NDUFS1: variants seen among roughly 807,000 people sequenced by gnomAD.
NDUFS1 encodes the protein NADH-ubiquinone oxidoreductase 75 kDa subunit, mitochondrial.
Under a neutral mutation model 84.4 loss-of-function variants are expected in NDUFS1, and 61 were observed. That is an observed-to-expected ratio of 0.72 (90% CI 0.59 to 0.89). The LOEUF is 0.89. NDUFS1 is among the 40% of genes least tolerant of loss of function. NDUFS1 has a pLI of 0.00. For synonymous variants in NDUFS1, 275 were observed against 290.0 expected (o/e 0.95, Z 0.53); for missense variants, 891 against 890.0 (o/e 1.00, Z -0.01).
chr2:206,156,224 C>G (rs1215040225), intron 1 of NDUFS1, among the ~76,000 whole-genome samples: 2 of 147,058 alleles, frequency 1.4e-5, no homozygotes, highest in Non-Finnish European at 3.0e-5. Flanking sequence ...GATCACGCCA[C>G]TGCACTCCAG....
chr2:206,119,022 A>T lies in NDUFS1; in HGVS notation c.*5163T>A, dbSNP rs142826710. 2,216 of 152,518 alleles carry T rather than the reference A, an allele frequency of 0.015. 33 individuals carry two copies. The highest frequency in any genetic ancestry group is 0.022 in the Non-Finnish European group (1,513 of 68,198). 9.4% of individuals were successfully genotyped at this position (152,518 alleles called of 1,614,324 possible). On this transcript the variant is annotated 3_prime_UTR_variant, in exon 19 of 19. Coordinates refer to ENST00000233190, the MANE Select transcript of NDUFS1 (RefSeq NM_005006.7). ...AGGATCGCTTGAACCCAGGAGGTGG[A>T]GGTTGCAGTGAGCTGAGATTGCGCC...
chr2:206,156,190 G>A (rs1322717626), intron 1 of NDUFS1, among the ~76,000 whole-genome samples: 2 of 150,696 alleles, frequency 1.3e-5, no homozygotes, highest in African/African-American at 2.4e-5. Context: ...GTGAACCCGG[G>A]AGGCGGAGCT....
At chr2:206,142,572 A>G in intron 11 of NDUFS1, 114 bp downstream of exon 11, 1 of 1,302,074 alleles carries the variant, frequency 7.7e-7, no homozygotes, top group Non-Finnish European at 1.1e-6. Flanking sequence ...ATCTTGGTCT[A>G]TATATGAAAA....
intron 18 of NDUFS1, among the ~76,000 whole-genome samples, chr2:206,125,755 G>A (rs1410320750): frequency 2.0e-5 from 3 of 151,334 alleles, no homozygotes; most frequent in African/African-American, 7.3e-5. Flanking sequence ...CTTCATCACC[G>A]AGGAATTAAG....
In NDUFS1 at chr2:206,129,419, C is replaced by A. The variant is rs147984637; in HGVS notation, c.1708+669G>T. 3.8e-3 allele frequency among the ~76,000 whole-genome samples: 574 copies of A among 152,092 alleles called. 9 individuals are homozygous for A. Among genetic ancestry groups the A allele is most frequent in the African/African-American group, 0.013 (551 of 41,486 alleles). The stretch of plus-strand genomic sequence containing the variant: ...CTGGGATCACAGACATGCAGCAACA[C>A]GCCTAGCTAATTTTTAAATTTTTTG... On this transcript the variant is annotated intron_variant, in intron 15 of 18. Coordinates refer to ENST00000233190, the MANE Select transcript of NDUFS1 (RefSeq NM_005006.7).
intron 5 of NDUFS1, among the ~76,000 whole-genome samples, chr2:206,148,519 T>C (rs184864373): frequency 1.4e-4 from 22 of 152,192 alleles, no homozygotes; most frequent in African/African-American, 5.1e-4. Context: ...GTTTGGTGGC[T>C]CACGTCTGTA....
rs73067815 is a variant in NDUFS1, at chr2:206,135,385, C to T, written c.1393-2280G>A. ...TATTTAAATCTATTATAGAACAAAA[C>T]GTTCTCAGGCCAGGCACAGTGGCTC... On this transcript the variant is annotated intron_variant, in intron 13 of 18. Coordinates refer to ENST00000233190, the MANE Select transcript of NDUFS1 (RefSeq NM_005006.7). Among the ~76,000 whole-genome samples the T allele has an allele frequency of 8.5e-3, 1,299 of 152,008 alleles. 12 individuals are homozygous for T. Among genetic ancestry groups the T allele is most frequent in the African/African-American group, 0.03 (1,231 of 41,472 alleles).
At chr2:206,139,452 G>A (rs1023621997) in intron 12 of NDUFS1, among the ~76,000 whole-genome samples, 8 of 152,096 alleles carry the variant, frequency 5.3e-5, no homozygotes, top group African/African-American at 1.9e-4. Flanking sequence ...CTCCCAGAGT[G>A]CTGGGATTAT....
Position 206,116,219 on chromosome 2 carries a change from C to G in NDUFS1, c.*7966G>C. On this transcript the variant is annotated 3_prime_UTR_variant, in exon 19 of 19. Transcript: ENST00000233190. The stretch of plus-strand genomic sequence containing the variant: ...CTTGATCAGCCAACCATCTTCATAA[C>G]GAGATTTGTTTACAAGTCCTGGATT... 1.5e-6 allele frequency: 2 copies of G among 1,360,894 alleles called. No individual in the cohort carries two copies. Among genetic ancestry groups the G allele is most frequent in the Non-Finnish European group, 2.1e-6 (2 of 949,110 alleles). 84.3% of individuals were successfully genotyped at this position (1,360,894 alleles called of 1,614,324 possible). A position where few individuals can be genotyped will look rare whatever the true frequency, so the allele number is the denominator to read the frequency against.
intron 1 of NDUFS1, among the ~76,000 whole-genome samples, chr2:206,158,826 T>C (rs1243357797): frequency 6.6e-6 from 1 of 152,076 alleles, no homozygotes; most frequent in Admixed American, 6.6e-5. Context: ...CAATTTCCCG[T>C]TAGTTAAAGG....
Position 206,124,126 on chromosome 2 carries a change from C to T in NDUFS1, c.*59G>A. The stretch of plus-strand genomic sequence containing the variant: ...ACAAAGAAATAAACCTGTAAAGGAT[C>T]ACTGCACTACAGTTGTCCATTAATT... On this transcript the variant is annotated 3_prime_UTR_variant, in exon 19 of 19. Transcript: ENST00000233190. 2.0e-6 allele frequency: 2 copies of T among 1,015,874 alleles called. No homozygotes were observed. Among genetic ancestry groups the T allele is most frequent in the Non-Finnish European group, 3.1e-6 (2 of 635,354 alleles). The allele number at this position is 1,015,874 out of a possible 1,614,324, so 62.9% of individuals were successfully genotyped here.
intron 10 of NDUFS1, among the ~76,000 whole-genome samples, chr2:206,143,284 A>C (rs1205077177): frequency 1.3e-5 from 2 of 152,182 alleles, no homozygotes; most frequent in Non-Finnish European, 2.9e-5. Context: ...GTTGTACAAC[A>C]ATTATTAATT....
chr2:206,136,688 C>A (rs1344824200), intron 13 of NDUFS1, among the ~76,000 whole-genome samples: 1 of 151,856 alleles, frequency 6.6e-6, no homozygotes, highest in East Asian at 1.9e-4. Context: ...TACACCTTGG[C>A]CTCCCAAAGT....
chr2:206,149,247 G>A (rs189500594), intron 4 of NDUFS1, 151 bp from the exon 5 acceptor site: 1 of 662,910 alleles, frequency 1.5e-6, no homozygotes, highest in African/African-American at 1.8e-5. Flanking sequence ...ACTGAATTTT[G>A]TTAAGTTTTC....
chr2:206,126,547 T>C lies in NDUFS1; in HGVS notation c.2084A>G (p.Tyr695Cys), dbSNP rs773465401. ...VPPQLTIKDF[Y>C]MTDSISRASQ... ...TGTTGACAATTACATACCTGTCATG[T>C]AGAAGTCTTTTATAGTTAGCTGAGG... Residue 695 changes from tyrosine (Y) to cysteine (C), a missense_variant, in exon 18 of 19, where the codon TAC becomes TGC. Coordinates refer to ENST00000233190, the MANE Select transcript of NDUFS1 (RefSeq NM_005006.7). 36 of 1,614,000 alleles carry C rather than the reference T, an allele frequency of 2.2e-5. No homozygotes were observed. The highest frequency in any genetic ancestry group is 3.0e-5 in the Non-Finnish European group (35 of 1,179,980).
At position 206,116,474 on chromosome 2, in the gene NDUFS1, C is replaced by A. The variant is rs1690945997; in HGVS notation, c.*7711G>T. The A allele has an allele frequency of 2.1e-5, 25 of 1,190,480 alleles. 1 individual carries two copies. The South Asian group carries it at 2.9e-4, about 14-fold the overall frequency. 73.7% of individuals were successfully genotyped at this position (1,190,480 alleles called of 1,614,324 possible). ...CGTGCAGGCTGCAGAGCACGGCCCG[C>A]ACGCTCCGCACCACTCGCAGCGCCA... is the stretch of plus-strand genomic sequence containing the variant. On this transcript the variant is annotated 3_prime_UTR_variant, in exon 19 of 19. Transcript: ENST00000233190.
intron 12 of NDUFS1, among the ~76,000 whole-genome samples, chr2:206,139,871 T>TA (rs35564839): frequency 0.081 from 8,420 of 103,408 alleles, 479 homozygotes; most frequent in African/African-American, 0.18. Flanking sequence ...CTTGTGTTCT[T>TA]AAAAAAAAAA....
intron 16 of NDUFS1, among the ~76,000 whole-genome samples, chr2:206,127,191 CAG>C (rs1286145909): frequency 2.0e-5 from 3 of 152,188 alleles, no homozygotes; most frequent in African/African-American, 4.8e-5. Flanking sequence ...AAAGAGCTAA[CAG>C]ATGTATTTTC....
rs193174679 is a variant in NDUFS1, at chr2:206,133,893, T to C, written c.1393-788A>G. On this transcript the variant is annotated intron_variant, in intron 13 of 18. Transcript: ENST00000233190. ...TACACAGGAGGCTGAGGCACGAGAA[T>C]TGCTTGAACCTGGGAGGCGGAGGTT... 6.6e-5 allele frequency among the ~76,000 whole-genome samples: 10 copies of C among 152,306 alleles called. No individual in the cohort carries two copies. The East Asian group carries it at 1.9e-3, about 29-fold the overall frequency.
Sources: gnomAD v4.1 joint callset for allele counts (sites outside exome capture counted in the v4.1 genomes callset) on GRCh38, gnomAD v4.1.1 for gene constraint, MANE v1.5 for transcripts, NCBI Gene and HGNC (gene_info 2026-07-23, HGNC 2026-07-21) for gene names.